APP: variants seen among roughly 807,000 people sequenced by gnomAD.
APP encodes amyloid-beta precursor protein.
Under a neutral mutation model 101.4 loss-of-function variants are expected in APP, and 31 were observed. The ratio of observed to expected loss-of-function variants is 0.31; its 90% CI spans 0.23 to 0.41. APP has a LOEUF of 0.41. APP is among the 10% of genes least tolerant of loss of function. The pLI is 1.00. For missense variants in APP, 839 were observed against 1,003.7 expected (o/e 0.84, Z 2.22); for synonymous variants, 366 against 364.4 (o/e 1.00, Z -0.05).
intron 8 of APP, among the ~76,000 whole-genome samples, chr21:25,994,575 C>T (rs774986628): frequency 6.6e-6 from 1 of 152,138 alleles, no homozygotes; most frequent in Non-Finnish European, 1.5e-5. Flanking sequence ...TTTATCAGTT[C>T]AACTGAAGAG....
chr21:26,169,643 T>G (rs1329923715), intron 1 of APP, among the ~76,000 whole-genome samples: 2 of 152,246 alleles, frequency 1.3e-5, no homozygotes, highest in African/African-American at 4.8e-5. Flanking sequence ...GCAGCGTCTC[T>G]GCCCCCTCCC....
intron 3 of APP, among the ~76,000 whole-genome samples, chr21:26,088,687 G>A (rs956506783): frequency 6.6e-6 from 1 of 152,112 alleles, no homozygotes; most frequent in African/African-American, 2.4e-5. Context: ...TCTGTATCTA[G>A]AATTTAAGTG....
intron 13 of APP, among the ~76,000 whole-genome samples, chr21:25,953,114 TTAGAG>T (rs2041164104): frequency 8.2e-3 from 1 of 122 alleles, no homozygotes; most frequent in Non-Finnish European, 0.012. Flanking sequence ...CTTTTTTAAA[TTAGAG>T]AGGGGGTTTC....
chr21:26,159,906 C>G (rs1395635606), intron 1 of APP, among the ~76,000 whole-genome samples: 1 of 152,018 alleles, frequency 6.6e-6, no homozygotes, highest in Non-Finnish European at 1.5e-5. Flanking sequence ...GTGAAATATC[C>G]AAATAGCAAA....
At position 25,897,491 on chromosome 21, in the gene APP, T is replaced by C. The variant is rs2038149310; in HGVS notation, c.2064+82A>G. Reference sequence around the variant, plus strand: ...TATTTTTATCTTTTCCTTAATTTGATTTCTAGCACAGGATGAACCAGAGTT... The same window carrying C: ...TATTTTTATCTTTTCCTTAATTTGACTTCTAGCACAGGATGAACCAGAGTT... On this transcript the variant is annotated intron_variant, in intron 16 of 17. Transcript: ENST00000346798. 3.8e-6 allele frequency: 4 copies of C among 1,063,714 alleles called. No homozygotes were observed. In the South Asian group the frequency reaches 5.0e-5, roughly 13 times the overall value. The allele number at this position is 1,063,714 out of a possible 1,614,324, so 65.9% of individuals were successfully genotyped here.
chr21:26,163,234 A>C, intron 1 of APP, among the ~76,000 whole-genome samples: 1 of 113,632 alleles, frequency 8.8e-6, no homozygotes, highest in Non-Finnish European at 1.8e-5. Flanking sequence ...AGTAAAACTC[A>C]GTCTCAAAAA....
Position 25,990,965 on chromosome 21 carries a change from T to C in APP, c.1090+6395A>G, listed in dbSNP as rs538076636. On this transcript the variant is annotated intron_variant, in intron 8 of 17. Transcript: ENST00000346798. ...AGGGATAAAGAAAATGTGGTGTATA[T>C]ATACCACGGAATACTAGTAGGCCAG... 5.9e-5 allele frequency among the ~76,000 whole-genome samples: 9 copies of C among 152,316 alleles called. No individual in the cohort carries two copies. The South Asian group carries it at 1.9e-3, about 32-fold the overall frequency.
In APP at chr21:26,107,538, A is replaced by G. The variant is rs370483659; in HGVS notation, c.225+4441T>C. Among the ~76,000 whole-genome samples the G allele has an allele frequency of 1.1e-4, 16 of 152,292 alleles. No homozygotes were observed. In the East Asian group the frequency reaches 2.5e-3, roughly 24 times the overall value. On this transcript the variant is annotated intron_variant, in intron 2 of 17. Coordinates refer to ENST00000346798, the MANE Select transcript of APP (RefSeq NM_000484.4). ...TAGAAATTTACATGGCTTGCCTTCCAGCATGTAACGCCTCCTACTTCCTAT... is the reference window on the plus strand; with the variant it reads ...TAGAAATTTACATGGCTTGCCTTCCGGCATGTAACGCCTCCTACTTCCTAT...
At chr21:26,151,840 C>G (rs2063277114) in intron 1 of APP, among the ~76,000 whole-genome samples, 1 of 152,148 alleles carries the variant, frequency 6.6e-6, no homozygotes. Flanking sequence ...CGGTACCAGT[C>G]CATGGCCCAG....
At position 25,918,249 on chromosome 21, in the gene APP, T is replaced by C. The variant is rs140750123; in HGVS notation, c.1688-6287A>G. Among the ~76,000 whole-genome samples, 265 of 152,318 alleles carry C rather than the reference T, an allele frequency of 1.7e-3. 1 individual carries two copies. The highest frequency in any genetic ancestry group is 0.01 in the Middle Eastern group (3 of 294). On this transcript the variant is annotated intron_variant, in intron 13 of 17. Coordinates refer to ENST00000346798, the MANE Select transcript of APP (RefSeq NM_000484.4). ...CACACATATGTTTACTGTAGCACTA[T>C]TTACAATAGCAAAGACTTGGAACCA...
chr21:25,897,822 C>G (rs551142927), intron 15 of APP, 149 bp from the exon 16 acceptor site: 23 of 675,604 alleles, frequency 3.4e-5, no homozygotes, highest in Non-Finnish European at 5.5e-5. Context: ...AAAATGATAC[C>G]CTATATTTAA....
intron 17 of APP, among the ~76,000 whole-genome samples, chr21:25,888,561 C>T (rs916633216): frequency 2.6e-5 from 4 of 152,156 alleles, no homozygotes; most frequent in African/African-American, 7.2e-5. Context: ...AAAACAAACA[C>T]GAATGAGGTG....
At position 26,013,013 on chromosome 21, in the gene APP, C is replaced by CAAAACA. The variant is rs780661543; in HGVS notation, c.865+8826_865+8827insTGTTTT. Among the ~76,000 whole-genome samples the CAAAACA allele has an allele frequency of 2.4e-3, 246 of 103,592 alleles. 1 individual carries two copies. Among genetic ancestry groups the CAAAACA allele is most frequent in the African/African-American group, 7.7e-3 (228 of 29,744 alleles). 68.0% of individuals were successfully genotyped at this position (103,592 alleles called of 152,430 possible). On this transcript the variant is annotated intron_variant, in intron 6 of 17. Coordinates refer to ENST00000346798, the MANE Select transcript of APP (RefSeq NM_000484.4). ...CAAAACAAAACAAAACAAAACAAAA[C>CAAAACA]AAACAAACAAAAAGGTGCACCCAGC... is the stretch of plus-strand genomic sequence containing the variant.
chr21:25,948,595 A>G (rs1470413251), intron 13 of APP, among the ~76,000 whole-genome samples: 1 of 152,206 alleles, frequency 6.6e-6, no homozygotes, highest in Non-Finnish European at 1.5e-5. Context: ...AATGGGTATG[A>G]AACAATTATG....
At chr21:25,884,160 T>A (rs1464883980) in intron 17 of APP, among the ~76,000 whole-genome samples, 1 of 152,240 alleles carries the variant, frequency 6.6e-6, no homozygotes, top group African/African-American at 2.4e-5. Context: ...ACTACAGGCA[T>A]GAGCCGCCAT....
chr21:26,019,432 T>C (rs1465196869), intron 6 of APP, among the ~76,000 whole-genome samples: 1 of 152,122 alleles, frequency 6.6e-6, no homozygotes, highest in Non-Finnish European at 1.5e-5. Flanking sequence ...TGTCATGCTC[T>C]CCATGGAACC....
At chr21:26,131,828 A>G (rs1000302399) in intron 1 of APP, among the ~76,000 whole-genome samples, 1 of 152,160 alleles carries the variant, frequency 6.6e-6, no homozygotes. Flanking sequence ...ATAAACCACA[A>G]AACTCTACTT....
chr21:25,916,948 C>T (rs1220055993), intron 13 of APP, among the ~76,000 whole-genome samples: 1 of 152,034 alleles, frequency 6.6e-6, no homozygotes, highest in Non-Finnish European at 1.5e-5. Flanking sequence ...CTAATGAACC[C>T]CATCACCTTG....
chr21:25,884,508 G>GTAAT (rs1359004778), intron 17 of APP, among the ~76,000 whole-genome samples: 1 of 152,186 alleles, frequency 6.6e-6, no homozygotes, highest in Non-Finnish European at 1.5e-5. Flanking sequence ...TGGTAACTGT[G>GTAAT]TAATTAGCCT....
Sources: gnomAD v4.1 joint callset for allele counts (sites outside exome capture counted in the v4.1 genomes callset) on GRCh38, gnomAD v4.1.1 for gene constraint, MANE v1.5 for transcripts, NCBI Gene and HGNC (gene_info 2026-07-23, HGNC 2026-07-21) for gene names.